The following DPP6 variants were observed in gnomAD, a reference collection of about 807,000 sequenced individuals.
DPP6 encodes the protein A-type potassium channel modulatory protein DPP6.
A neutral mutation model predicts 122.6 loss-of-function variants in DPP6; 69 were observed. The ratio of observed to expected loss-of-function variants is 0.56; its 90% CI spans 0.46 to 0.69. DPP6 has a LOEUF of 0.69. DPP6 is among the 30% of genes least tolerant of loss of function. DPP6 has a pLI of 0.00. For missense variants in DPP6, 928 were observed against 1,116.9 expected (o/e 0.83, Z 2.41); for synonymous variants, 418 against 433.1 (o/e 0.97, Z 0.43).
chr7:154,187,928 A>C (rs1798429003), intron 1 of DPP6, among the ~76,000 whole-genome samples: 1 of 152,204 alleles, frequency 6.6e-6, no homozygotes, highest in South Asian at 2.1e-4. Flanking sequence ...ATACATGCTC[A>C]ATAAAGCTCA....
At chr7:154,517,462 G>A (rs965094302) in intron 3 of DPP6, among the ~76,000 whole-genome samples, 21 of 152,092 alleles carry the variant, frequency 1.4e-4, no homozygotes, top group Non-Finnish European at 2.2e-4. Context: ...AGCAAACCTA[G>A]GACAGGGTGT....
intron 6 of DPP6, among the ~76,000 whole-genome samples, chr7:154,666,204 CAT>C (rs1491402208): frequency 4.2e-4 from 32 of 76,570 alleles, no homozygotes; most frequent in Middle Eastern, 6.3e-3. Context: ...TATATATACA[CAT>C]ATACATACAT....
intron 1 of DPP6, among the ~76,000 whole-genome samples, chr7:154,074,423 T>G (rs1298600794): frequency 6.6e-6 from 1 of 152,140 alleles, no homozygotes; most frequent in African/African-American, 2.4e-5. Flanking sequence ...TTATAAAGTC[T>G]TAGTAATTCT....
At chr7:154,556,595 T>A (rs1586620953) in intron 4 of DPP6, among the ~76,000 whole-genome samples, 1 of 152,356 alleles carries the variant, frequency 6.6e-6, no homozygotes, top group Middle Eastern at 3.4e-3. Context: ...TAATTTGGTT[T>A]CATAAAAAGA....
chr7:154,860,048 T>C (rs902330614), intron 17 of DPP6, among the ~76,000 whole-genome samples: 11 of 152,284 alleles, frequency 7.2e-5, no homozygotes, highest in Admixed American at 2.6e-4. Context: ...TTTCTCTACC[T>C]CCTACTCTCT....
At chr7:153,965,830 A>G (rs1448380416) in intron 1 of DPP6, among the ~76,000 whole-genome samples, 1 of 152,002 alleles carries the variant, frequency 6.6e-6, no homozygotes, top group Non-Finnish European at 1.5e-5. Flanking sequence ...TCTGAGTGGT[A>G]ACAGAACCTG....
chr7:154,374,318 G>T (rs1812928192), intron 1 of DPP6, among the ~76,000 whole-genome samples: 1 of 152,226 alleles, frequency 6.6e-6, no homozygotes, highest in Non-Finnish European at 1.5e-5. Flanking sequence ...AGCTAGCAAG[G>T]GGGAGAGGTC....
At chr7:153,910,822 C>G (rs1451846442) in intron 1 of DPP6, among the ~76,000 whole-genome samples, 1 of 152,156 alleles carries the variant, frequency 6.6e-6, no homozygotes, top group African/African-American at 2.4e-5. Flanking sequence ...AGCCAATCCC[C>G]ACATCAACAA....
chr7:154,738,690 A>G (rs1842682071), intron 8 of DPP6, among the ~76,000 whole-genome samples: 1 of 152,238 alleles, frequency 6.6e-6, no homozygotes, highest in Non-Finnish European at 1.5e-5. Flanking sequence ...CTTAGCGGAT[A>G]GAGCTTTGGA....
intron 1 of DPP6, among the ~76,000 whole-genome samples, chr7:153,898,443 C>T (rs983610241): frequency 1.3e-5 from 2 of 151,994 alleles, no homozygotes; most frequent in Non-Finnish European, 2.9e-5. Context: ...CAGAGTGAGA[C>T]CTTGTCTGTA....
At chr7:154,533,577 T>A (rs1044549623) in intron 3 of DPP6, among the ~76,000 whole-genome samples, 1 of 152,144 alleles carries the variant, frequency 6.6e-6, no homozygotes, top group Admixed American at 6.6e-5. Context: ...ACTTCCCAAC[T>A]TATTTTATGA....
intron 1 of DPP6, among the ~76,000 whole-genome samples, chr7:153,992,541 C>T (rs1369486734): frequency 6.6e-6 from 1 of 152,036 alleles, no homozygotes; most frequent in African/African-American, 2.4e-5. Context: ...TGGAACAGTC[C>T]CCTGGTGTGC....
chr7:153,816,262 T>C, the DPP6 span, among the ~76,000 whole-genome samples: 1 of 152,032 alleles, frequency 6.6e-6, no homozygotes, highest in Non-Finnish European at 1.5e-5. Flanking sequence ...AAAGCAGAAA[T>C]AAAAGGAAAA....
chr7:154,033,962 A>G (rs983100411), intron 1 of DPP6, among the ~76,000 whole-genome samples: 5 of 152,212 alleles, frequency 3.3e-5, no homozygotes, highest in African/African-American at 9.6e-5. Flanking sequence ...ATCACACAGC[A>G]CGTGTTTATA....
intron 1 of DPP6, among the ~76,000 whole-genome samples, chr7:153,942,842 T>C (rs1801761044): frequency 6.6e-6 from 1 of 152,220 alleles, no homozygotes. Context: ...CTTTTACCTG[T>C]CGCCTGCTTA....
chr7:153,792,824 A>G, the DPP6 span, among the ~76,000 whole-genome samples: 9 of 151,972 alleles, frequency 5.9e-5, no homozygotes, highest in Non-Finnish European at 1.0e-4. Flanking sequence ...GGGGGAGGTA[A>G]CTGAATCATG....
intron 16 of DPP6, among the ~76,000 whole-genome samples, chr7:154,844,067 A>G (rs1801770467): frequency 6.6e-6 from 1 of 152,264 alleles, no homozygotes. Flanking sequence ...TGTCAGAAGA[A>G]TAGCAGCTAA....
At chr7:154,673,437 T>A (rs1838691532) in intron 7 of DPP6, among the ~76,000 whole-genome samples, 1 of 152,204 alleles carries the variant, frequency 6.6e-6, no homozygotes, top group Admixed American at 6.5e-5. Context: ...CAATTAGCTC[T>A]TACCTTTTAG....
chr7:154,553,525 C>G (rs1452824556), intron 4 of DPP6, among the ~76,000 whole-genome samples: 1 of 152,138 alleles, frequency 6.6e-6, no homozygotes, highest in East Asian at 1.9e-4. Flanking sequence ...TCTTACTTAA[C>G]CAAAATCCTT....
Sources: allele counts gnomAD v4.1 joint callset (sites outside exome capture counted in the v4.1 genomes callset), GRCh38; gene constraint gnomAD v4.1.1; transcripts MANE v1.5; gene names NCBI Gene and HGNC (gene_info 2026-07-23, HGNC 2026-07-21).